Variants in CD276 observed in about 807,000 individuals in gnomAD.
The protein encoded by CD276 is CD276 antigen.
Under a neutral mutation model 50.0 loss-of-function variants are expected in CD276, and 34 were observed. The observed-to-expected ratio is 0.68, with a 90% CI of 0.52 to 0.91. CD276 has a LOEUF of 0.91. Ranked by LOEUF, CD276 falls within the 40% of genes least tolerant of loss-of-function variation. The probability of loss-of-function intolerance (pLI) is 0.00; values close to 1 mark genes in which losing one functional copy is unlikely to be tolerated. For synonymous variants in CD276, 275 were observed against 313.0 expected (o/e 0.88, Z 1.28); for missense variants, 634 against 717.5 (o/e 0.88, Z 1.33).
At chr15:73,706,337 G>C (rs1900650950) in intron 6 of CD276, among the ~76,000 whole-genome samples, 1 of 152,258 alleles carries the variant, frequency 6.6e-6, no homozygotes, top group South Asian at 2.1e-4. Flanking sequence ...GAGGTCCACA[G>C]AGAAGGGGGA....
At chr15:73,691,691 A>G (rs1899994086) in intron 1 of CD276, among the ~76,000 whole-genome samples, 1 of 152,210 alleles carries the variant, frequency 6.6e-6, no homozygotes, top group South Asian at 2.1e-4. Flanking sequence ...AGACCAAGAG[A>G]AGGGCACTGT....
At chr15:73,689,362 T>C (rs1038287328) in intron 1 of CD276, among the ~76,000 whole-genome samples, 4 of 152,120 alleles carry the variant, frequency 2.6e-5, no homozygotes, top group African/African-American at 4.8e-5. Context: ...CAGAAATCGC[T>C]TGGAGAGGAA....
intron 6 of CD276, among the ~76,000 whole-genome samples, chr15:73,707,870 A>G (rs1332400038): frequency 6.6e-6 from 1 of 152,358 alleles, no homozygotes; most frequent in African/African-American, 2.4e-5. Flanking sequence ...TATTGAGCTA[A>G]GCAGAGAATT....
chr15:73,692,361 A>G (rs1459219743), intron 1 of CD276, among the ~76,000 whole-genome samples: 1 of 152,110 alleles, frequency 6.6e-6, no homozygotes, highest in Admixed American at 6.5e-5. Context: ...CCTTTTTTCT[A>G]TTTTTAATAT....
chr15:73,694,105 T>C (rs1900081634), intron 1 of CD276, among the ~76,000 whole-genome samples: 1 of 152,188 alleles, frequency 6.6e-6, no homozygotes, highest in Non-Finnish European at 1.5e-5. Context: ...CATTTTGGTG[T>C]GGATGATCCA....
chr15:73,710,994 C>T (rs1900876339), intron 8 of CD276, 141 bp from the exon 9 acceptor site: 1 of 776,104 alleles, frequency 1.3e-6, no homozygotes. Flanking sequence ...ACCTAGGGCC[C>T]CTTCCCTTGT....
Position 73,687,177 on chromosome 15 carries a change from G to A in CD276, c.-55+2717G>A, listed in dbSNP as rs567684886. 3.3e-5 allele frequency among the ~76,000 whole-genome samples: 5 copies of A among 152,262 alleles called. No homozygotes were observed. The highest frequency in any genetic ancestry group is 3.4e-3 in the Middle Eastern group (1 of 294). ...CTTGCCTGCCACCCCCAGTTCTACC[G>A]CCCTTGCAGTGTGCCAGATAGGAGC... On this transcript the variant is annotated intron_variant, in intron 1 of 9. Coordinates refer to ENST00000318443, the MANE Select transcript of CD276 (RefSeq NM_001024736.2). The surrounding 1 kb of genome is among the most constrained non-coding windows in gnomAD (Gnocchi z 4.0).
At chr15:73,708,226 T>C (rs532290913) in intron 6 of CD276, 113 bp from the exon 7 acceptor site, 220 of 1,132,224 alleles carry the variant, frequency 1.9e-4, no homozygotes, top group Non-Finnish European at 2.6e-4. Context: ...TTATTCATAG[T>C]GTTAGGGCCC....
Position 73,713,037 on chromosome 15 carries a change from C to A in CD276, c.*81C>A. On this transcript the variant is annotated 3_prime_UTR_variant, in exon 10 of 10. Transcript: ENST00000318443. ...ATGGGGCTGCACTGTGAGCCCTGCC[C>A]CCAACAGATGCATCCTGCTCTGACA... 1 of 1,306,218 alleles carries A rather than the reference C, an allele frequency of 7.7e-7. No homozygotes were observed. The highest frequency in any genetic ancestry group is 1.1e-6 in the Non-Finnish European group (1 of 915,478). The allele number at this position is 1,306,218 out of a possible 1,614,324, so 80.9% of individuals were successfully genotyped here.
At chr15:73,708,234 C>T (rs1900724239) in intron 6 of CD276, 105 bp from the exon 7 acceptor site, 2 of 1,235,652 alleles carry the variant, frequency 1.6e-6, no homozygotes, top group Non-Finnish European at 2.3e-6. Context: ...AGTGTTAGGG[C>T]CCAGTGAGGG....
At chr15:73,685,381 C>G (rs938063552) in intron 1 of CD276, among the ~76,000 whole-genome samples, 1 of 149,128 alleles carries the variant, frequency 6.7e-6, no homozygotes, top group African/African-American at 2.5e-5. Context: ...ATGAGAAAAG[C>G]GTGATAGATG....
chr15:73,706,198 C>T (rs765354506), intron 6 of CD276, among the ~76,000 whole-genome samples: 6 of 151,994 alleles, frequency 3.9e-5, no homozygotes, highest in Non-Finnish European at 7.4e-5. Flanking sequence ...TGCAGTGAGC[C>T]GAGACAGTGT....
chr15:73,712,505 C>T (rs1437127478), intron 9 of CD276, among the ~76,000 whole-genome samples: 1 of 152,226 alleles, frequency 6.6e-6, no homozygotes, highest in African/African-American at 2.4e-5. Context: ...AGGAGGAGGG[C>T]CCCTGCCGTG....
At chr15:73,699,254 T>C (rs1361622584) in intron 1 of CD276, among the ~76,000 whole-genome samples, 1 of 152,206 alleles carries the variant, frequency 6.6e-6, no homozygotes, top group African/African-American at 2.4e-5. Context: ...GTCTGCCAAA[T>C]TGATCTGCAC....
At chr15:73,709,822 C>T in intron 8 of CD276, 133 bp downstream of exon 8, 1 of 816,070 alleles carries the variant, frequency 1.2e-6, no homozygotes, top group Non-Finnish European at 1.9e-6. Context: ...ACTCAGACCT[C>T]CCCACCCCGG....
chr15:73,686,124 C>T (rs922946449), intron 1 of CD276, among the ~76,000 whole-genome samples: 2 of 152,084 alleles, frequency 1.3e-5, no homozygotes, highest in Non-Finnish European at 2.9e-5. Flanking sequence ...GGCAAGGGGA[C>T]GCTGGCGGGA....
chr15:73,703,169 C>G (rs1167792863), intron 4 of CD276, 83 bp downstream of exon 4: 2 of 1,446,416 alleles, frequency 1.4e-6, no homozygotes, highest in African/African-American at 2.8e-5. Context: ...CTGGCCCCAC[C>G]TTCAATCTCC....
intron 6 of CD276, 128 bp from the exon 7 acceptor site, chr15:73,708,207 AAGTG>A: frequency 1.1e-6 from 1 of 946,490 alleles, no homozygotes. Flanking sequence ...GTAGGAACTT[AAGTG>A]AGCTTTATTC....
chr15:73,685,802 G>A (rs897682625), intron 1 of CD276, among the ~76,000 whole-genome samples: 1 of 152,166 alleles, frequency 6.6e-6, no homozygotes, highest in Non-Finnish European at 1.5e-5. Context: ...TTGAGGCTGA[G>A]GGGAACTGAA....
Sources: gnomAD v4.1 joint callset for allele counts (sites outside exome capture counted in the v4.1 genomes callset) on GRCh38, gnomAD v4.1.1 for gene constraint, Gnocchi (gnomAD v3.1) non-coding constraint, MANE v1.5 for transcripts, NCBI Gene and HGNC (gene_info 2026-07-23, HGNC 2026-07-21) for gene names.